APOH: variants seen among roughly 807,000 people sequenced by gnomAD.
APOH encodes the protein apolipoprotein H, also known as beta-2-glycoprotein 1.
A neutral mutation model predicts 39.8 loss-of-function variants in APOH; 48 were observed. The observed-to-expected ratio is 1.21, with a 90% confidence interval of 0.96 to 1.54. APOH has a LOEUF of 1.54. APOH is among the 40% of genes most tolerant of loss of function. The pLI, the probability that APOH is intolerant of heterozygous loss-of-function variation, is 0.00. For missense variants in APOH, 415 were observed against 421.2 expected (o/e 0.99, Z 0.13); for synonymous variants, 153 against 151.1 (o/e 1.01, Z -0.09).
chr17:66,223,825 C>T (rs1567741083), intron 3 of APOH, 51 bp from the exon 4 acceptor site: 9 of 1,471,612 alleles, frequency 6.1e-6, no homozygotes, highest in Admixed American at 1.7e-5. Context: ...CCATCACTGA[C>T]ATCTCAAATA....
chr17:66,224,706 AG>A (rs2073427626), intron 3 of APOH, among the ~76,000 whole-genome samples: 1 of 82,890 alleles, frequency 1.2e-5, no homozygotes, highest in South Asian at 5.4e-4. Context: ...AGGAAAGGAA[AG>A]GAAAGGAAAG....
chr17:66,215,595 GC>G (rs2073360332), intron 6 of APOH, among the ~76,000 whole-genome samples: 1 of 152,184 alleles, frequency 6.6e-6, no homozygotes, highest in African/African-American at 2.4e-5. Context: ...CTTGCCTGCT[GC>G]CCCAGAGTTC....
At chr17:66,218,627 C>G (rs1288799379) in intron 5 of APOH, among the ~76,000 whole-genome samples, 1 of 152,046 alleles carries the variant, frequency 6.6e-6, no homozygotes, top group Non-Finnish European at 1.5e-5. Context: ...GAGTAAATAA[C>G]CAATCAAGTT....
chr17:66,227,220 T>C (rs1342423727), intron 2 of APOH, among the ~76,000 whole-genome samples: 1 of 152,172 alleles, frequency 6.6e-6, no homozygotes, highest in African/African-American at 2.4e-5. Flanking sequence ...TGATGTTACA[T>C]TGGCTTTTTA....
chr17:66,215,512 C>G (rs978785920), intron 6 of APOH, among the ~76,000 whole-genome samples: 1 of 152,204 alleles, frequency 6.6e-6, no homozygotes, highest in Admixed American at 6.5e-5. Context: ...TTCACTAAAT[C>G]AACTGTACTC....
intron 3 of APOH, among the ~76,000 whole-genome samples, chr17:66,225,058 A>C (rs1383347997): frequency 1.0e-5 from 1 of 97,816 alleles, no homozygotes; most frequent in Non-Finnish European, 2.0e-5. Flanking sequence ...CAGAGCAAAA[A>C]GAAAGGAAAA....
chr17:66,219,630 A>C (rs139607746), intron 5 of APOH, among the ~76,000 whole-genome samples: 1 of 152,218 alleles, frequency 6.6e-6, no homozygotes, highest in Admixed American at 6.5e-5. Flanking sequence ...TCACGAGAAT[A>C]ACTCTTGGCC....
chr17:66,221,356 AGGAGG>A (rs1187428996), intron 4 of APOH, among the ~76,000 whole-genome samples: 1 of 89,556 alleles, frequency 1.1e-5, no homozygotes, highest in Non-Finnish European at 2.1e-5. Context: ...AGAAAGAAAG[AGGAGG>A]GGAGGGGAGG....
chr17:66,218,505 C>T (rs554364474), intron 5 of APOH, among the ~76,000 whole-genome samples: 1 of 152,122 alleles, frequency 6.6e-6, no homozygotes, highest in East Asian at 1.9e-4. Flanking sequence ...GACGGGGTTT[C>T]ACCATATTGG....
At position 66,212,090 on chromosome 17, in the gene APOH, C is replaced by T; in HGVS notation, c.*43G>A. ...ATTTCAATTAGGTTCCTTGGATGAA[C>T]AAGAAACAAGTGTGACATTTTGTGT... On this transcript the variant is annotated 3_prime_UTR_variant, in exon 8 of 8. Transcript: ENST00000205948. 1 of 1,539,470 alleles carries T rather than the reference C, an allele frequency of 6.5e-7. No homozygotes were observed. The highest frequency in any genetic ancestry group is 1.1e-5 in the South Asian group (1 of 88,698).
rs765694925 is a variant in APOH at position 66,223,681 on chromosome 17, C to T, written c.415+17G>A. The stretch of plus-strand genomic sequence containing the variant: ...GGTTCTGGGCAAACCAGCTGATCAC[C>T]TTGCCCACAGACTTACGAGCACAGA... On this transcript the variant is annotated intron_variant, in intron 4 of 7. Transcript: ENST00000205948. 14 of 1,612,988 alleles carry T rather than the reference C, an allele frequency of 8.7e-6. No homozygotes were observed. The Admixed American group carries it at 2.0e-4, about 23-fold the overall frequency.
chr17:66,225,734 G>A (rs910470271), intron 3 of APOH, among the ~76,000 whole-genome samples: 5 of 152,078 alleles, frequency 3.3e-5, no homozygotes, highest in Admixed American at 6.6e-5. Flanking sequence ...AAAATTAGCC[G>A]GGCGTGGTGG....
At chr17:66,228,327 A>G in intron 1 of APOH, 131 bp from the exon 2 acceptor site, 1 of 849,498 alleles carries the variant, frequency 1.2e-6, no homozygotes, top group South Asian at 1.7e-5. Flanking sequence ...CAAATACCTC[A>G]TATACACTAT....
At chr17:66,227,910 T>C in intron 2 of APOH, 110 bp downstream of exon 2, 2 of 1,200,642 alleles carry the variant, frequency 1.7e-6, no homozygotes, top group East Asian at 2.4e-5. Flanking sequence ...CCTGGCTTTC[T>C]GCAGCATCTA....
In APOH at chr17:66,220,723, T is replaced by A. The variant is rs376526828; in HGVS notation, c.435A>T (p.Pro145=). Residue 145 remains proline (P), a synonymous_variant, in exon 5 of 8, where the codon CCA becomes CCT. Coordinates refer to ENST00000205948, the MANE Select transcript of APOH (RefSeq NM_000042.3). ...GAAGTGTTGCAAACGTAGGTATGGA[T>A]GGTGGAGGGCAGATGATGGCTGGGA... The part of the protein sequence containing the change: ...PVCAPIICPP[P]SIPTFATLRV... 6.2e-7 allele frequency: 1 copy of A among 1,612,580 alleles called. No individual in the cohort carries two copies. The highest frequency in any genetic ancestry group is 8.5e-7 in the Non-Finnish European group (1 of 1,178,856).
At chr17:66,225,826 G>A (rs1236745085) in intron 3 of APOH, among the ~76,000 whole-genome samples, 2 of 151,428 alleles carry the variant, frequency 1.3e-5, no homozygotes, top group African/African-American at 2.4e-5. Context: ...GCAGTGAGCC[G>A]AGACTGCACC....
chr17:66,224,838 G>A (rs939256998), intron 3 of APOH, among the ~76,000 whole-genome samples: 24 of 151,956 alleles, frequency 1.6e-4, no homozygotes, highest in African/African-American at 3.9e-4. Context: ...GGAGGCCAAG[G>A]AGGGTGGATC....
At chr17:66,219,250 G>A (rs1255541603) in intron 5 of APOH, among the ~76,000 whole-genome samples, 1 of 152,102 alleles carries the variant, frequency 6.6e-6, no homozygotes, top group Non-Finnish European at 1.5e-5. Context: ...GATATAAAAT[G>A]TCCTTGTTCT....
At chr17:66,221,313 G>A in intron 4 of APOH, among the ~76,000 whole-genome samples, 1 of 124,302 alleles carries the variant, frequency 8.0e-6, no homozygotes, top group Non-Finnish European at 1.7e-5. Flanking sequence ...AGGGAGGGAG[G>A]GAAGAAAGGA....
Sources: gnomAD v4.1 joint callset for allele counts (sites outside exome capture counted in the v4.1 genomes callset) on GRCh38, gnomAD v4.1.1 for gene constraint, MANE v1.5 for transcripts, NCBI Gene and HGNC (gene_info 2026-07-23, HGNC 2026-07-21) for gene names.